HTATSF1: variants seen among roughly 807,000 people sequenced by gnomAD.
HTATSF1 encodes the protein 17S U2 SnRNP complex component HTATSF1.
In HTATSF1, 6 loss-of-function variants were observed where a neutral mutation model predicts 46.1. The ratio of observed to expected loss-of-function variants is 0.13; its 90% CI spans 0.07 to 0.26. The LOEUF (loss-of-function observed/expected upper bound fraction) is 0.26. Among genes scored for constraint, HTATSF1 ranks in the 10% least tolerant of loss-of-function variants. The probability of loss-of-function intolerance (pLI) is 1.00; values close to 1 mark genes in which losing one functional copy is unlikely to be tolerated. For synonymous variants in HTATSF1, 226 were observed against 211.5 expected, an observed-to-expected ratio of 1.07 and a Z score of -0.60; for missense variants, 452 against 559.9, an observed-to-expected ratio of 0.81 and a Z score of 1.94.
chrX:136,511,120 G>A lies in HTATSF1; in HGVS notation c.1375G>A (p.Glu459Lys), dbSNP rs749251741. The A allele has an allele frequency of 2.5e-6, 3 of 1,209,168 alleles. No individual in the cohort carries two copies. Among genetic ancestry groups the A allele is most frequent in the Admixed American group, 4.4e-5 (2 of 45,580 alleles). Residue 459 changes from glutamate to lysine, a missense_variant, in exon 9 of 9, where the codon GAA (glutamate) becomes AAA (lysine). Around this residue, in one of 3 missense-constraint regions of HTATSF1, gnomAD observed 246 missense variants for 245.3 expected, o/e 1.00. Transcript: ENST00000218364. ...AKESSPEKEAEEGCPEKESEE... is the reference protein window; with the variant it reads ...AKESSPEKEAKEGCPEKESEE... Reference sequence around the variant, plus strand: ...GGAAAGTAGCCCCGAAAAAGAGGCTGAAGAAGGCTGCCCTGAAAAAGAATC... The same window carrying A: ...GGAAAGTAGCCCCGAAAAAGAGGCTAAAGAAGGCTGCCCTGAAAAAGAATC...
At chrX:136,498,363 T>A (rs929513239) in intron 1 of HTATSF1, among the ~76,000 whole-genome samples, 1 of 112,485 alleles carries the variant, frequency 8.9e-6, no homozygotes, top group African/African-American at 3.2e-5. Context: ...GGCATATATG[T>A]TTGAACCATA....
chrX:136,511,916 G>C lies in HTATSF1; in HGVS notation c.2171G>C (p.Arg724Thr), dbSNP rs1272198351. Residue 724 changes from arginine (R) to threonine (T), a missense_variant, in exon 9 of 9, where the codon AGG becomes ACG. Physicochemically the swap from Arg to Thr is moderately conservative, Grantham distance 71. Around this residue, in one of 3 missense-constraint regions of HTATSF1, gnomAD observed 246 missense variants for 245.3 expected, o/e 1.00. Coordinates refer to ENST00000218364, the MANE Select transcript of HTATSF1 (RefSeq NM_014500.5). ...SEKLFDDSDERGTLGGFGSVE... is the reference protein window; with the variant it reads ...SEKLFDDSDETGTLGGFGSVE... ...AAGTTGTTTGACGATTCTGATGAGAGGGGGACTTTGGGTGGTTTTGGGAGT... is the reference window on the plus strand; with the variant it reads ...AAGTTGTTTGACGATTCTGATGAGACGGGGACTTTGGGTGGTTTTGGGAGT... 4 of 1,211,612 alleles carry C rather than the reference G, an allele frequency of 3.3e-6. No individual in the cohort carries two copies. Among genetic ancestry groups the C allele is most frequent in the Non-Finnish European group, 4.5e-6 (4 of 895,387 alleles).
intron 6 of HTATSF1, among the ~76,000 whole-genome samples, chrX:136,508,288 G>T (rs1353979055): frequency 8.9e-6 from 1 of 112,139 alleles, no homozygotes; most frequent in Non-Finnish European, 1.9e-5. Context: ...ATTTATATTT[G>T]TATATAGTTG....
Position 136,510,065 on chromosome X carries a change from C to CT in HTATSF1, c.925-14dup, listed in dbSNP as rs1256558505. 1 of 1,170,037 alleles carries CT rather than the reference C, an allele frequency of 8.5e-7. No individual in the cohort carries two copies. The highest frequency in any genetic ancestry group is 1.1e-6 in the Non-Finnish European group (1 of 874,776). ...ATCTTATCATTCATTCCTTTTTTTT[C>CT]TTTCTTATCTTTCTAGAGGCACCCA... On this transcript the variant is annotated splice_polypyrimidine_tract_variant and intron_variant, in intron 7 of 8. Coordinates refer to ENST00000218364, the MANE Select transcript of HTATSF1 (RefSeq NM_014500.5).
rs762375649 is a variant in HTATSF1 at position 136,511,775 on chromosome X, A to G, written c.2030A>G (p.Asp677Gly). ...DADEKLFEES[D>G]DKEDEDADGK... ...GATGAAAAGCTGTTTGAAGAGTCAG[A>G]TGACAAGGAAGATGAAGATGCAGAT... Residue 677 changes from aspartate (D) to glycine (G), a missense_variant, in exon 9 of 9, where the codon GAT (aspartate) becomes GGT (glycine). Physicochemically the swap from Asp to Gly is moderately conservative, Grantham distance 94. Coordinates refer to ENST00000218364, the MANE Select transcript of HTATSF1 (RefSeq NM_014500.5). The G allele has an allele frequency of 8.3e-7, 1 of 1,210,390 alleles. No homozygotes were observed. The highest frequency in any genetic ancestry group is 1.8e-5 in the South Asian group (1 of 56,836).
At chrX:136,498,316 G>A (rs1442724112) in intron 1 of HTATSF1, among the ~76,000 whole-genome samples, 2 of 111,500 alleles carry the variant, frequency 1.8e-5, no homozygotes, top group Non-Finnish European at 3.8e-5. Flanking sequence ...AACTTTCTTT[G>A]CACCTTGCTT....
chrX:136,497,757 G>A lies in HTATSF1; in HGVS notation c.73G>A (p.Gly25Ser). The A allele has an allele frequency of 8.3e-7, 1 of 1,206,660 alleles. No homozygotes were observed. Among genetic ancestry groups the A allele is most frequent in the Non-Finnish European group, 1.1e-6 (1 of 891,500 alleles). The change falls in exon 1 of 9, where the codon GGC becomes AGC. Residue 25 changes from glycine (G) to serine (S), a missense_variant. Coordinates refer to ENST00000218364, the MANE Select transcript of HTATSF1 (RefSeq NM_014500.5). Reference sequence around the variant, plus strand: ...GCGAATGCAAGAATTGTACGGAGACGGCAAGGATGGTGACACCCAGACCGA... The same window carrying A: ...GCGAATGCAAGAATTGTACGGAGACAGCAAGGATGGTGACACCCAGACCGA... ...QLRMQELYGDGKDGDTQTDAG... is the reference protein window; with the variant it reads ...QLRMQELYGDSKDGDTQTDAG...
At chrX:136,504,927 C>T (rs2075734933) in intron 6 of HTATSF1, among the ~76,000 whole-genome samples, 1 of 111,999 alleles carries the variant, frequency 8.9e-6, no homozygotes, top group South Asian at 3.7e-4. Context: ...TGAATAAGTA[C>T]ATCTGTTATG....
intron 6 of HTATSF1, among the ~76,000 whole-genome samples, 164 bp downstream of exon 6, chrX:136,504,627 T>C (rs1441209012): frequency 8.9e-6 from 1 of 112,547 alleles, no homozygotes; most frequent in African/African-American, 3.2e-5. Flanking sequence ...TCTTTTGATT[T>C]CCCTTCCCTT....
chrX:136,509,473 A>G (rs1358472663), intron 7 of HTATSF1, among the ~76,000 whole-genome samples: 1 of 111,473 alleles, frequency 9.0e-6, no homozygotes. Flanking sequence ...TATTAGTCAC[A>G]TTTTCCCCTC....
At chrX:136,509,721 T>C (rs2075758758) in intron 7 of HTATSF1, among the ~76,000 whole-genome samples, 1 of 112,273 alleles carries the variant, frequency 8.9e-6, no homozygotes, top group African/African-American at 3.2e-5. Context: ...CTTTAGAAAT[T>C]GAACACCTGG....
intron 7 of HTATSF1, 107 bp from the exon 8 acceptor site, chrX:136,509,975 C>T (rs1156905102): frequency 1.4e-6 from 1 of 700,597 alleles, no homozygotes; most frequent in African/African-American, 2.2e-5. Context: ...AAGTCTTTTA[C>T]TTCAGAGTAT....
chrX:136,497,667 C>T lies in HTATSF1; in HGVS notation c.-18C>T. The T allele has an allele frequency of 8.5e-7, 1 of 1,170,781 alleles. No individual in the cohort carries two copies. Among genetic ancestry groups the T allele is most frequent in the Non-Finnish European group, 1.2e-6 (1 of 866,384 alleles). On this transcript the variant is annotated 5_prime_UTR_variant, in exon 1 of 9. Coordinates refer to ENST00000218364, the MANE Select transcript of HTATSF1 (RefSeq NM_014500.5). The stretch of plus-strand genomic sequence containing the variant: ...CTCTTAGTTCTTCTGAACCCTGCTC[C>T]TGAGCTAGGTAGGAAACATGAGCGG...
In HTATSF1 at chrX:136,511,105, C is replaced by G; in HGVS notation, c.1360C>G (p.Pro454Ala). The change falls in exon 9 of 9, where the codon CCC (proline) becomes GCC (alanine). Residue 454 changes from proline (P) to alanine (A), a missense_variant. By Grantham distance (27) the Pro-to-Ala change is conservative (BLOSUM62 -1). This residue lies in a region of HTATSF1 where 246 missense variants were observed against 245.3 expected (regional missense o/e 1.00). Coordinates refer to ENST00000218364, the MANE Select transcript of HTATSF1 (RefSeq NM_014500.5). ...ASENNAKESSPEKEAEEGCPE... is the reference protein window; with the variant it reads ...ASENNAKESSAEKEAEEGCPE... Reference sequence around the variant, plus strand: ...TGAAAACAATGCTAAGGAAAGTAGCCCCGAAAAAGAGGCTGAAGAAGGCTG... The same window carrying G: ...TGAAAACAATGCTAAGGAAAGTAGCGCCGAAAAAGAGGCTGAAGAAGGCTG... 8.3e-7 allele frequency: 1 copy of G among 1,210,117 alleles called. No individual in the cohort carries two copies. The highest frequency in any genetic ancestry group is 1.1e-6 in the Non-Finnish European group (1 of 895,038).
At chrX:136,504,881 A>G (rs1603306315) in intron 6 of HTATSF1, among the ~76,000 whole-genome samples, 2 of 112,119 alleles carry the variant, frequency 1.8e-5, no homozygotes, top group South Asian at 7.5e-4. Flanking sequence ...ATAATATTTA[A>G]TGTCCGTGGA....
chrX:136,504,252 ATTATCT>A (rs2075732171), intron 5 of HTATSF1, 106 bp from the exon 6 acceptor site: 2 of 463,141 alleles, frequency 4.3e-6, no homozygotes, highest in African/African-American at 2.5e-5. Flanking sequence ...AAATCCAGTA[ATTATCT>A]TTATTAAATA....
intron 5 of HTATSF1, among the ~76,000 whole-genome samples, chrX:136,503,823 C>G (rs1015778976): frequency 4.2e-4 from 47 of 111,796 alleles, no homozygotes; most frequent in African/African-American, 1.5e-3. Flanking sequence ...AACATTTCAT[C>G]TGGGGATTTC....
chrX:136,507,087 A>G (rs1231911405), intron 6 of HTATSF1, among the ~76,000 whole-genome samples: 1 of 111,801 alleles, frequency 8.9e-6, no homozygotes, highest in Non-Finnish European at 1.9e-5. Flanking sequence ...CTTTTATTGC[A>G]TGTTTTGGGG....
chrX:136,498,030 A>G (rs1005107016), intron 1 of HTATSF1, among the ~76,000 whole-genome samples, 160 bp downstream of exon 1: 2 of 112,855 alleles, frequency 1.8e-5, no homozygotes, highest in Non-Finnish European at 3.8e-5. Context: ...ACCGATGTGT[A>G]AAAGAACGTA....
Sources: allele counts gnomAD v4.1 joint callset (sites outside exome capture counted in the v4.1 genomes callset), GRCh38; gene constraint gnomAD v4.1.1; regional missense constraint gnomAD v4.1.1; transcripts MANE v1.5; gene names NCBI Gene and HGNC (gene_info 2026-07-23, HGNC 2026-07-21).